Variants in DNER observed in about 807,000 individuals in gnomAD.
DNER encodes the protein delta and Notch-like epidermal growth factor-related receptor.
Under a neutral mutation model 78.2 loss-of-function variants are expected in DNER, and 33 were observed. The observed-to-expected ratio is 0.42, with a 90% CI of 0.32 to 0.56. The LOEUF is 0.56. DNER is among the 20% of genes least tolerant of loss of function. The probability of loss-of-function intolerance (pLI) is 0.11; values close to 1 mark genes in which losing one functional copy is unlikely to be tolerated. For synonymous variants in DNER, 417 were observed against 384.8 expected, an observed-to-expected ratio of 1.08 and a Z score of -0.98; for missense variants, 918 against 975.3, an observed-to-expected ratio of 0.94 and a Z score of 0.78.
At chr2:229,657,946 CT>C (rs2154216457) in intron 1 of DNER, among the ~76,000 whole-genome samples, 1 of 152,244 alleles carries the variant, frequency 6.6e-6, no homozygotes, top group African/African-American at 2.4e-5. Flanking sequence ...CTGGTTCTTC[CT>C]TATAGGCCTT....
chr2:229,618,019 C>T (rs1429037454), intron 1 of DNER, among the ~76,000 whole-genome samples: 1 of 152,120 alleles, frequency 6.6e-6, no homozygotes, highest in African/African-American at 2.4e-5. Flanking sequence ...TCACATGACC[C>T]CTGGGCTTTT....
chr2:229,479,600 C>T (rs1695109553), intron 6 of DNER, among the ~76,000 whole-genome samples: 1 of 151,446 alleles, frequency 6.6e-6, no homozygotes, highest in Non-Finnish European at 1.5e-5. Flanking sequence ...GAAATCCCAG[C>T]TACAGGGGAG....
In DNER at chr2:229,462,851, A is replaced by AAGCC. The variant is rs541299084; in HGVS notation, c.1261+14285_1261+14288dup. Among the ~76,000 whole-genome samples, 498 of 152,156 alleles carry AAGCC rather than the reference A, an allele frequency of 3.3e-3. 3 individuals carry two copies. The highest frequency in any genetic ancestry group is 0.011 in the African/African-American group (473 of 41,442). ...CCTCCATTCAGTTTCCAGAAATAACAAGCCATTCCTCACCTTGATCCTTGC... is the reference window on the plus strand; with the variant it reads ...CCTCCATTCAGTTTCCAGAAATAACAAGCCAGCCATTCCTCACCTTGATCCTTGC... On this transcript the variant is annotated intron_variant, in intron 7 of 12. Coordinates refer to ENST00000341772, the MANE Select transcript of DNER (RefSeq NM_139072.4).
intron 7 of DNER, among the ~76,000 whole-genome samples, chr2:229,467,713 C>T (rs534647485): frequency 7.2e-5 from 11 of 152,214 alleles, no homozygotes; most frequent in East Asian, 1.9e-4. Flanking sequence ...ATATTTCTAT[C>T]GTAAAGGATC....
chr2:229,504,323 G>A (rs751458565), intron 6 of DNER, among the ~76,000 whole-genome samples: 46 of 152,088 alleles, frequency 3.0e-4, no homozygotes, highest in Non-Finnish European at 5.9e-4. Flanking sequence ...GGGTTCAAGC[G>A]ATTCTCCTGC....
At chr2:229,595,985 CT>C (rs34618390) in intron 1 of DNER, among the ~76,000 whole-genome samples, 44,196 of 150,098 alleles carry the variant, frequency 0.29, 6,894 homozygotes, top group Middle Eastern at 0.38. Context: ...TCTTTCCTTG[CT>C]TTTTTTTTTC....
At chr2:229,388,857 C>G (rs114745079) in intron 10 of DNER, among the ~76,000 whole-genome samples, 2,132 of 151,932 alleles carry the variant, frequency 0.014, 22 homozygotes, top group Non-Finnish European at 0.025. Flanking sequence ...CTCCAGAAAG[C>G]TGAAAACTCA....
chr2:229,637,318 T>G (rs998430914), intron 1 of DNER, among the ~76,000 whole-genome samples: 6 of 152,362 alleles, frequency 3.9e-5, no homozygotes, highest in Middle Eastern at 3.4e-3. Context: ...AATTAACTAT[T>G]AGTTTAGTTT....
intron 6 of DNER, among the ~76,000 whole-genome samples, chr2:229,483,384 G>A (rs1477070160): frequency 5.3e-5 from 8 of 152,190 alleles, no homozygotes; most frequent in Non-Finnish European, 7.3e-5. Flanking sequence ...CTGCCACTTC[G>A]TGTCTGGTTT....
intron 11 of DNER, among the ~76,000 whole-genome samples, chr2:229,375,509 C>A (rs899397675): frequency 3.9e-5 from 6 of 152,184 alleles, no homozygotes; most frequent in African/African-American, 1.4e-4. Context: ...GGATGCATTC[C>A]TGGTGTTCCA....
Position 229,358,507 on chromosome 2 carries a change from T to A in DNER, c.*33A>T, listed in dbSNP as rs758340373. The A allele has an allele frequency of 1.5e-5, 23 of 1,532,802 alleles. No homozygotes were observed. Among genetic ancestry groups the A allele is most frequent in the Non-Finnish European group, 2.1e-5 (23 of 1,118,108 alleles). 95.0% of individuals were successfully genotyped at this position (1,532,802 alleles called of 1,614,324 possible). On this transcript the variant is annotated 3_prime_UTR_variant, in exon 13 of 13. Coordinates refer to ENST00000341772, the MANE Select transcript of DNER (RefSeq NM_139072.4). ...TAAAAATATTTAAATGAGTGTAGTA[T>A]CTCATCTTTTTGAAAAATAATCCAA...
At chr2:229,662,120 C>T (rs1466642231) in intron 1 of DNER, among the ~76,000 whole-genome samples, 1 of 152,170 alleles carries the variant, frequency 6.6e-6, no homozygotes, top group Non-Finnish European at 1.5e-5. Context: ...GGGTATGCTA[C>T]CTTCAAAAGT....
intron 12 of DNER, among the ~76,000 whole-genome samples, chr2:229,365,177 T>A (rs115163835): frequency 3.9e-4 from 60 of 152,204 alleles, no homozygotes; most frequent in African/African-American, 1.3e-3. Flanking sequence ...TGATGAAGGA[T>A]AAAAATCTCA....
intron 4 of DNER, among the ~76,000 whole-genome samples, chr2:229,550,034 C>A (rs1696701334): frequency 6.6e-6 from 1 of 151,882 alleles, no homozygotes; most frequent in Non-Finnish European, 1.5e-5. Context: ...ACTCTGTGGC[C>A]CAGACTGGAC....
At chr2:229,554,313 T>C (rs1024850837) in intron 4 of DNER, among the ~76,000 whole-genome samples, 1 of 152,126 alleles carries the variant, frequency 6.6e-6, no homozygotes, top group Non-Finnish European at 1.5e-5. Context: ...GTCCCAGCAC[T>C]TTGGGATGCT....
At chr2:229,496,679 T>A in intron 6 of DNER, among the ~76,000 whole-genome samples, 1 of 152,040 alleles carries the variant, frequency 6.6e-6, no homozygotes, top group East Asian at 1.9e-4. Flanking sequence ...AAAATAGAAT[T>A]TGAGTCAAAA....
At chr2:229,404,206 A>G (rs1180279809) in intron 10 of DNER, among the ~76,000 whole-genome samples, 1 of 152,060 alleles carries the variant, frequency 6.6e-6, no homozygotes. Flanking sequence ...AGAGGAAGGT[A>G]TATTAGTCTG....
At chr2:229,475,429 G>C (rs756527740) in intron 7 of DNER, among the ~76,000 whole-genome samples, 3 of 151,102 alleles carry the variant, frequency 2.0e-5, no homozygotes, top group Non-Finnish European at 4.4e-5. Context: ...TCCTCTCCTA[G>C]GGTCTTTGTA....
At chr2:229,544,764 C>T (rs1696587055) in intron 5 of DNER, among the ~76,000 whole-genome samples, 1 of 152,116 alleles carries the variant, frequency 6.6e-6, no homozygotes, top group African/African-American at 2.4e-5. Flanking sequence ...GAACTACTGA[C>T]CTCAGGTGAT....
Sources: gnomAD v4.1 joint callset for allele counts (sites outside exome capture counted in the v4.1 genomes callset) on GRCh38, gnomAD v4.1.1 for gene constraint, MANE v1.5 for transcripts, NCBI Gene and HGNC (gene_info 2026-07-23, HGNC 2026-07-21) for gene names.